Variants in SCARB1 observed in about 807,000 individuals in gnomAD.
SCARB1 encodes CD36 and LIMPII analogous 1.
Under a neutral mutation model 57.2 loss-of-function variants are expected in SCARB1, and 30 were observed. The observed-to-expected ratio is 0.52, with a 90% confidence interval of 0.39 to 0.71. SCARB1 has a LOEUF of 0.71. Ranked by LOEUF, SCARB1 falls within the 30% of genes least tolerant of loss-of-function variation. The pLI is 0.00. For missense variants in SCARB1, 543 were observed against 671.2 expected (o/e 0.81, Z 2.11); for synonymous variants, 249 against 268.3 (o/e 0.93, Z 0.70).
rs1182736773 is a variant in SCARB1, at chr12:124,822,016, C to T, written c.127-4309G>A. On this transcript the variant is annotated intron_variant, in intron 1 of 12. Transcript: ENST00000261693. The surrounding 1 kb of genome is among the most constrained non-coding windows in gnomAD (Gnocchi z 5.0). ...GTTGGGATAGAATGCCAAGGTGAGCCCTTGTTGGACGCCACTCCCTCCCAT... is the reference window on the plus strand; with the variant it reads ...GTTGGGATAGAATGCCAAGGTGAGCTCTTGTTGGACGCCACTCCCTCCCAT... Among the ~76,000 whole-genome samples, 1 of 152,092 alleles carries T rather than the reference C, an allele frequency of 6.6e-6. No individual in the cohort carries two copies. Among genetic ancestry groups the T allele is most frequent in the African/African-American group, 2.4e-5 (1 of 41,412 alleles).
intron 1 of SCARB1, among the ~76,000 whole-genome samples, chr12:124,826,428 A>C (rs2135725842): frequency 6.6e-6 from 1 of 152,218 alleles, no homozygotes. Context: ...GTATATAGCA[A>C]AACAGCATTT....
Position 124,807,074 on chromosome 12 carries a change from G to A in SCARB1, c.1009+687C>T, listed in dbSNP as rs1174755470. On this transcript the variant is annotated intron_variant, in intron 7 of 12. Transcript: ENST00000261693. The surrounding 1 kb of genome is among the most constrained non-coding windows in gnomAD (Gnocchi z 5.3). ...AAATTAGCCAGGTGTGGTGGTGCAC[G>A]CCTGTGGTCCCAACTACTCGGGAGG... Among the ~76,000 whole-genome samples, 1 of 152,030 alleles carries A rather than the reference G, an allele frequency of 6.6e-6. No homozygotes were observed. Among genetic ancestry groups the A allele is most frequent in the Non-Finnish European group, 1.5e-5 (1 of 68,008 alleles).
intron 8 of SCARB1, among the ~76,000 whole-genome samples, chr12:124,799,351 C>T (rs192339047): frequency 8.4e-4 from 127 of 152,084 alleles, no homozygotes; most frequent in Admixed American, 1.8e-3. Flanking sequence ...ATGGCAAAAC[C>T]GCGTCTCTAC....
chr12:124,863,325 G>A (rs1952977564), intron 1 of SCARB1, among the ~76,000 whole-genome samples: 1 of 152,218 alleles, frequency 6.6e-6, no homozygotes. Context: ...CGCCCGGGTG[G>A]TCTCCCGTCC....
At chr12:124,835,808 TTTGG>T (rs1951625518) in intron 1 of SCARB1, among the ~76,000 whole-genome samples, 1 of 152,214 alleles carries the variant, frequency 6.6e-6, no homozygotes, top group Non-Finnish European at 1.5e-5. Flanking sequence ...TCTGGCTTCT[TTTGG>T]GAACCTGGGT....
chr12:124,784,052 TGGAGACAGACAGAA>T (rs2135530590), intron 11 of SCARB1: 1 of 152,354 alleles, frequency 6.6e-6, no homozygotes, highest in South Asian at 2.1e-4. Context: ...GTGGACAATT[TGGAGACAGACAGAA>T]GGAGACAGAG....
intron 4 of SCARB1, among the ~76,000 whole-genome samples, chr12:124,813,734 G>T (rs534571112): frequency 1.3e-4 from 20 of 152,244 alleles, no homozygotes; most frequent in African/African-American, 4.3e-4. Context: ...AGAGACCAAA[G>T]AGATGGCTGA....
intron 12 of SCARB1, among the ~76,000 whole-genome samples, chr12:124,781,141 G>A (rs1248555130): frequency 6.6e-6 from 1 of 152,180 alleles, no homozygotes; most frequent in Non-Finnish European, 1.5e-5. Context: ...CAGGAAGGGC[G>A]CCCCAGAGCT....
At chr12:124,808,356 G>GA (rs1372943466) in intron 6 of SCARB1, among the ~76,000 whole-genome samples, 1 of 152,176 alleles carries the variant, frequency 6.6e-6, no homozygotes, top group Non-Finnish European at 1.5e-5. Flanking sequence ...TGCCCCTGCT[G>GA]AAAATCTGTG....
At chr12:124,820,789 T>TG (rs1231418688) in intron 1 of SCARB1, among the ~76,000 whole-genome samples, 1 of 151,876 alleles carries the variant, frequency 6.6e-6, no homozygotes, top group Non-Finnish European at 1.5e-5. Flanking sequence ...CAGAAAACAG[T>TG]GGGGGGCAGG....
chr12:124,820,260 C>G (rs530915987), intron 1 of SCARB1, among the ~76,000 whole-genome samples: 10 of 152,192 alleles, frequency 6.6e-5, no homozygotes, highest in African/African-American at 2.4e-4. Flanking sequence ...CTGAACAGCA[C>G]CATTACTCTT....
intron 2 of SCARB1, among the ~76,000 whole-genome samples, chr12:124,816,321 G>A (rs1230538435): frequency 6.6e-6 from 1 of 152,216 alleles, no homozygotes. Context: ...CAGCACACAG[G>A]AGGTGCTCAG....
Position 124,786,648 on chromosome 12 carries a change from A to C in SCARB1, c.1255-145T>G, listed in dbSNP as rs146875623. The C allele has an allele frequency of 2.2e-5, 33 of 1,476,538 alleles. 1 individual carries two copies. The Middle Eastern group carries it at 6.0e-4, about 27-fold the overall frequency. The allele number at this position is 1,476,538 out of a possible 1,614,324, so 91.5% of individuals were successfully genotyped here. ...GCTAAAGCATGTGTTGGAGCCTGCC[A>C]GGGACCTCCTCCCTCCAGGACACAA... is the stretch of plus-strand genomic sequence containing the variant. On this transcript the variant is annotated intron_variant, in intron 10 of 12. Transcript: ENST00000261693.
At chr12:124,859,565 G>A (rs1485847401) in intron 1 of SCARB1, among the ~76,000 whole-genome samples, 2 of 152,042 alleles carry the variant, frequency 1.3e-5, no homozygotes, top group Non-Finnish European at 2.9e-5. Flanking sequence ...TACAGATAAA[G>A]TATTAGGTTT....
At chr12:124,834,166 C>T (rs1258552985) in intron 1 of SCARB1, among the ~76,000 whole-genome samples, 2 of 152,370 alleles carry the variant, frequency 1.3e-5, no homozygotes, top group Admixed American at 1.3e-4. Flanking sequence ...CTGAGGGGCC[C>T]TGCAAGGCCA....
intron 1 of SCARB1, among the ~76,000 whole-genome samples, chr12:124,828,681 G>A (rs755424055): frequency 5.3e-5 from 8 of 152,224 alleles, no homozygotes; most frequent in African/African-American, 1.7e-4. Flanking sequence ...CCCAGGCTCC[G>A]TATCCACGTC....
chr12:124,846,045 C>CGTAACAG (rs1395254280), intron 1 of SCARB1, among the ~76,000 whole-genome samples: 1 of 151,776 alleles, frequency 6.6e-6, no homozygotes, highest in Non-Finnish European at 1.5e-5. Context: ...AAGAAATGTC[C>CGTAACAG]GTAACAGGTG....
intron 1 of SCARB1, among the ~76,000 whole-genome samples, chr12:124,831,139 C>A (rs1429348981): frequency 6.6e-6 from 1 of 152,164 alleles, no homozygotes; most frequent in East Asian, 1.9e-4. Context: ...CCACACCTGG[C>A]TAATTTTTGT....
chr12:124,824,112 T>A, intron 1 of SCARB1, among the ~76,000 whole-genome samples: 1 of 149,436 alleles, frequency 6.7e-6, no homozygotes. Flanking sequence ...AGGCGGAGGT[T>A]GCAGTGAGAG....
Sources: gnomAD v4.1 joint callset for allele counts (sites outside exome capture counted in the v4.1 genomes callset) on GRCh38, gnomAD v4.1.1 for gene constraint, Gnocchi (gnomAD v3.1) non-coding constraint, MANE v1.5 for transcripts, NCBI Gene and HGNC (gene_info 2026-07-23, HGNC 2026-07-21) for gene names.